Variants in CDC25A observed in about 807,000 individuals in gnomAD.
The protein encoded by CDC25A is cell division cycle 25A, also known as M-phase inducer phosphatase 1.
CDC25A carries 17 observed loss-of-function variants against 64.6 expected under a neutral mutation model. That is an observed-to-expected ratio of 0.26 (90% confidence interval 0.18 to 0.39). The LOEUF is 0.39. Among genes scored for constraint, CDC25A ranks in the 10% least tolerant of loss-of-function variants. The pLI is 1.00. For synonymous variants in CDC25A, 229 were observed against 238.6 expected (o/e 0.96, Z 0.37); for missense variants, 473 against 654.8 (o/e 0.72, Z 3.03).
In CDC25A at chr3:48,186,760, C is replaced by G. The variant is rs149296597; in HGVS notation, c.190G>C (p.Glu64Gln). ...TGCAGATTACTGTTGTTCTTCACCTCCAGTGGTTGCTCATAATCACTGAAA... is the reference window on the plus strand; with the variant it reads ...TGCAGATTACTGTTGTTCTTCACCTGCAGTGGTTGCTCATAATCACTGAAA... The part of the protein sequence containing the change: ...GLGSDYEQPL[E>Q]VKNNSNLQRM... The change falls in exon 2 of 15, where the codon GAG becomes CAG. Residue 64 changes from glutamate to glutamine, a missense_variant. By Grantham distance (29) the Glu-to-Gln change is conservative. Transcript: ENST00000302506. 3.1e-6 allele frequency: 5 copies of G among 1,597,754 alleles called. No individual in the cohort carries two copies. The African/African-American group carries it at 5.3e-5, about 17-fold the overall frequency.
intron 9 of CDC25A, among the ~76,000 whole-genome samples, chr3:48,171,659 G>A (rs536448391): frequency 6.6e-6 from 1 of 152,158 alleles, no homozygotes. Context: ...GATTACAGGA[G>A]TGAACCACAG....
At chr3:48,180,176 T>C (rs1428669495) in intron 6 of CDC25A, among the ~76,000 whole-genome samples, 1 of 152,156 alleles carries the variant, frequency 6.6e-6, no homozygotes, top group Non-Finnish European at 1.5e-5. Context: ...GTCTCAGTTT[T>C]CCAAAGTGCT....
chr3:48,177,767 G>A, intron 7 of CDC25A, 87 bp downstream of exon 7: 2 of 1,482,422 alleles, frequency 1.3e-6, no homozygotes, highest in East Asian at 2.3e-5. Context: ...GGGAACTGCT[G>A]TTGCTGTTCT....
At chr3:48,172,702 A>G (rs1228421640) in intron 9 of CDC25A, among the ~76,000 whole-genome samples, 2 of 152,218 alleles carry the variant, frequency 1.3e-5, no homozygotes, top group Admixed American at 1.3e-4. Flanking sequence ...TGTCTCTACA[A>G]AAAATACAAA....
chr3:48,173,690 A>G (rs2032352075), intron 9 of CDC25A, among the ~76,000 whole-genome samples: 1 of 152,224 alleles, frequency 6.6e-6, no homozygotes, highest in East Asian at 1.9e-4. Flanking sequence ...CAAGGTGTCA[A>G]TGGAGTTTGT....
intron 13 of CDC25A, chr3:48,161,463 T>C (rs2031761023): frequency 6.5e-6 from 1 of 152,896 alleles, no homozygotes; most frequent in African/African-American, 2.4e-5. Context: ...ACACCTGTAA[T>C]CCAAGCACTT....
At chr3:48,171,069 G>A (rs2032251117) in intron 9 of CDC25A, among the ~76,000 whole-genome samples, 1 of 151,970 alleles carries the variant, frequency 6.6e-6, no homozygotes, top group South Asian at 2.1e-4. Context: ...CTCTATTACG[G>A]TAAAAGAAAA....
chr3:48,161,131 G>T (rs1245284036), intron 13 of CDC25A: 1 of 117,598 alleles, frequency 8.5e-6, no homozygotes, highest in Non-Finnish European at 1.6e-5. Context: ...CAGCCTGGGC[G>T]AAAGGGCGAG....
chr3:48,170,975 G>A (rs940584480), intron 9 of CDC25A, among the ~76,000 whole-genome samples: 14 of 151,672 alleles, frequency 9.2e-5, no homozygotes, highest in African/African-American at 3.4e-4. Context: ...CAAAACATGA[G>A]GGCCAATATA....
Position 48,178,057 on chromosome 3 carries a change from T to C in CDC25A, c.550-69A>G. 2.8e-6 allele frequency: 4 copies of C among 1,439,192 alleles called. No individual in the cohort carries two copies. The East Asian group carries it at 6.9e-5, about 25-fold the overall frequency. The allele number at this position is 1,439,192 out of a possible 1,614,324, so 89.2% of individuals were successfully genotyped here. On this transcript the variant is annotated intron_variant, in intron 6 of 14. Transcript: ENST00000302506. ...ACTTTCATTTCCTTGAATGGGTCAC[T>C]AGTTTTTATGATGAAAACATACTAT...
intron 1 of CDC25A, among the ~76,000 whole-genome samples, chr3:48,187,396 A>G (rs1310535887): frequency 5.9e-5 from 9 of 152,248 alleles, no homozygotes; most frequent in African/African-American, 2.2e-4. Context: ...CAGCAAACGA[A>G]GATCCTGAGG....
intron 13 of CDC25A, among the ~76,000 whole-genome samples, chr3:48,162,266 T>TTGTG (rs35591959): frequency 0.039 from 5,628 of 144,646 alleles, 115 homozygotes; most frequent in South Asian, 0.086. Context: ...AGTATAACCT[T>TTGTG]TGTGTGTGTG....
chr3:48,174,432 G>A lies in CDC25A; in HGVS notation c.782C>T (p.Ser261Phe), dbSNP rs1221874604. ...NLDNRCKLFD[S>F]PSLCSSSTRS... is the part of the protein sequence containing the mutation. ...AGTGCTGGAGCTACACAGGGAAGGG[G>A]AGTCAAACAGCTTGCATCGGTTGTC... Residue 261 changes from serine (S) to phenylalanine (F), a missense_variant, in exon 9 of 15, where the codon TCC (serine) becomes TTC (phenylalanine). Ser to Phe is a radical substitution (Grantham distance 155). Coordinates refer to ENST00000302506, the MANE Select transcript of CDC25A (RefSeq NM_001789.3). The A allele has an allele frequency of 5.6e-6, 9 of 1,612,082 alleles. No homozygotes were observed. The highest frequency in any genetic ancestry group is 1.7e-5 in the Admixed American group (1 of 59,450).
chr3:48,174,600 T>C, intron 8 of CDC25A, 143 bp from the exon 9 acceptor site: 1 of 728,818 alleles, frequency 1.4e-6, no homozygotes, highest in East Asian at 2.8e-5. Flanking sequence ...CATCTAGTCC[T>C]AGCAACTCTC....
Position 48,187,701 on chromosome 3 carries a change from C to A in CDC25A, c.170+77G>T, listed in dbSNP as rs892802043. 5 of 1,384,182 alleles carry A rather than the reference C, an allele frequency of 3.6e-6. No homozygotes were observed. The African/African-American group carries it at 6.0e-5, about 17-fold the overall frequency. The allele number at this position is 1,384,182 out of a possible 1,614,324, so 85.7% of individuals were successfully genotyped here. Reference sequence around the variant, plus strand: ...GGACGGGTCTCGCCCTTCTCCCGGTCCGTTTCCTGGCCTGATCTCTCCGAG... The same window carrying A: ...GGACGGGTCTCGCCCTTCTCCCGGTACGTTTCCTGGCCTGATCTCTCCGAG... On this transcript the variant is annotated intron_variant, in intron 1 of 14. Transcript: ENST00000302506.
chr3:48,187,735 C>A (rs1008381658), intron 1 of CDC25A, 43 bp downstream of exon 1: 11 of 1,515,452 alleles, frequency 7.3e-6, no homozygotes, highest in Non-Finnish European at 9.8e-6. Flanking sequence ...AGGCCGACAC[C>A]GAGGCCAGGG....
chr3:48,187,093 C>G (rs1284991038), intron 1 of CDC25A, among the ~76,000 whole-genome samples: 1 of 152,174 alleles, frequency 6.6e-6, no homozygotes, highest in Non-Finnish European at 1.5e-5. Flanking sequence ...GAAAGTTGAA[C>G]AGGACACTTT....
intron 2 of CDC25A, among the ~76,000 whole-genome samples, chr3:48,186,426 G>A (rs527362202): frequency 3.3e-5 from 5 of 152,142 alleles, no homozygotes; most frequent in South Asian, 4.1e-4. Context: ...AAAATTAGCC[G>A]GGTGTGGTGG....
chr3:48,172,593 T>C (rs774959400), intron 9 of CDC25A, among the ~76,000 whole-genome samples: 2 of 152,234 alleles, frequency 1.3e-5, no homozygotes, highest in South Asian at 2.1e-4. Flanking sequence ...CCAGGTGCTG[T>C]GTCTAACACC....
Sources: gnomAD v4.1 joint callset for allele counts (sites outside exome capture counted in the v4.1 genomes callset) on GRCh38, gnomAD v4.1.1 for gene constraint, MANE v1.5 for transcripts, NCBI Gene and HGNC (gene_info 2026-07-23, HGNC 2026-07-21) for gene names.